The following SDCBP variants were observed in gnomAD, a reference collection of about 807,000 sequenced individuals.
SDCBP encodes syntenin-1.
In SDCBP, 22 loss-of-function variants were observed where a neutral mutation model predicts 30.5. That is an observed-to-expected ratio of 0.72 (90% CI 0.52 to 1.03). SDCBP has a LOEUF of 1.03. SDCBP is among the 50% of genes least tolerant of loss of function. The pLI is 0.00. For synonymous variants in SDCBP, 103 were observed against 118.7 expected (o/e 0.87, Z 0.86); for missense variants, 304 against 369.9 (o/e 0.82, Z 1.46).
chr8:58,576,106 A>G (rs1805301757), intron 5 of SDCBP, 45 bp downstream of exon 5: 2 of 1,301,866 alleles, frequency 1.5e-6, no homozygotes, highest in African/African-American at 1.5e-5. Context: ...AATCTCTTAC[A>G]TAATAAGTGA....
At chr8:58,556,569 A>G (rs918569698) in intron 1 of SDCBP, among the ~76,000 whole-genome samples, 2 of 152,192 alleles carry the variant, frequency 1.3e-5, no homozygotes, top group African/African-American at 4.8e-5. Flanking sequence ...GGTGAGGTTA[A>G]TAACTCAGAA....
At chr8:58,572,165 A>T in intron 3 of SDCBP, 40 bp from the exon 4 acceptor site, 1 of 1,215,008 alleles carries the variant, frequency 8.2e-7, no homozygotes, top group Non-Finnish European at 1.2e-6. Flanking sequence ...CATTTTGTGT[A>T]TTCTGTAAGT....
rs375682968 is a variant in SDCBP at position 58,566,934 on chromosome 8, C to G, written c.51+1850C>G. On this transcript the variant is annotated intron_variant, in intron 2 of 8. Coordinates refer to ENST00000260130, the MANE Select transcript of SDCBP (RefSeq NM_005625.4). ...TTTTTCTCTCCATTCCAAATCCTGA[C>G]AAGAGCCTGTGGTTTCCTCTACTTA... 2.6e-5 allele frequency among the ~76,000 whole-genome samples: 4 copies of G among 152,286 alleles called. No homozygotes were observed. In the East Asian group the frequency reaches 7.7e-4, roughly 29 times the overall value.
At position 58,581,970 on chromosome 8, in the gene SDCBP, T is replaced by C; in HGVS notation, c.*230T>C. 1 of 512,822 alleles carries C rather than the reference T, an allele frequency of 1.9e-6. No homozygotes were observed. The allele number at this position is 512,822 out of a possible 1,614,324, so 31.8% of individuals were successfully genotyped here. On this transcript the variant is annotated 3_prime_UTR_variant, in exon 9 of 9. Coordinates refer to ENST00000260130, the MANE Select transcript of SDCBP (RefSeq NM_005625.4). ...ACAGATGTGAAACTTTCAAGAGATTTACTGACTTTCCTAGAATAGTTTCTC... is the reference window on the plus strand; with the variant it reads ...ACAGATGTGAAACTTTCAAGAGATTCACTGACTTTCCTAGAATAGTTTCTC...
intron 1 of SDCBP, among the ~76,000 whole-genome samples, chr8:58,554,642 A>G (rs1397721314): frequency 6.6e-6 from 1 of 152,210 alleles, no homozygotes; most frequent in Non-Finnish European, 1.5e-5. Context: ...GAATTTGCTA[A>G]TGGTTGCCGG....
chr8:58,582,619 C>T lies in SDCBP; in HGVS notation c.*879C>T, dbSNP rs1805755182. ...CTAAACAGGATAAACTTTTGACTCC[C>T]CTTTTGTTCATTTGTGGATTAAGTG... On this transcript the variant is annotated 3_prime_UTR_variant, in exon 9 of 9. Coordinates refer to ENST00000260130, the MANE Select transcript of SDCBP (RefSeq NM_005625.4). 1 of 152,482 alleles carries T rather than the reference C, an allele frequency of 6.6e-6. No homozygotes were observed. Among genetic ancestry groups the T allele is most frequent in the African/African-American group, 2.4e-5 (1 of 41,410 alleles). 9.4% of individuals were successfully genotyped at this position (152,482 alleles called of 1,614,324 possible). A position where few individuals can be genotyped will look rare whatever the true frequency, so the allele number is the denominator to read the frequency against.
chr8:58,572,523 G>C (rs780388379), intron 4 of SDCBP, among the ~76,000 whole-genome samples: 7 of 152,070 alleles, frequency 4.6e-5, no homozygotes, highest in Non-Finnish European at 8.8e-5. Context: ...CTTAGATTCA[G>C]ATACCTTTTA....
intron 1 of SDCBP, among the ~76,000 whole-genome samples, chr8:58,557,745 G>GA (rs1456328465): frequency 6.6e-6 from 1 of 152,020 alleles, no homozygotes; most frequent in African/African-American, 2.4e-5. Context: ...TAGGCCAGTG[G>GA]AAAAAAGCTG....
intron 1 of SDCBP, chr8:58,561,017 A>G (rs1804411370): frequency 6.6e-6 from 1 of 152,242 alleles, no homozygotes; most frequent in African/African-American, 2.4e-5. Flanking sequence ...TGGTATCAAC[A>G]TAGAGATTGA....
intron 1 of SDCBP, chr8:58,561,883 T>C (rs1804459110): frequency 3.3e-6 from 2 of 600,668 alleles, no homozygotes; most frequent in Admixed American, 3.1e-5. Flanking sequence ...ATGCACAACA[T>C]AAAAGATGAA....
chr8:58,570,948 C>CT lies in SDCBP; in HGVS notation c.114dup (p.Ile39TyrfsTer25). The CT allele has an allele frequency of 7.4e-6, 12 of 1,611,592 alleles. No individual in the cohort carries two copies. The highest frequency in any genetic ancestry group is 1.0e-5 in the Non-Finnish European group (12 of 1,177,960). On this transcript the variant is annotated frameshift_variant, in exon 3 of 9. Coordinates refer to ENST00000260130, the MANE Select transcript of SDCBP (RefSeq NM_005625.4). LOFTEE classifies it high-confidence loss of function. ...GCAATTTTGTCAGAAGCTTCTGCTC[C>CT]TATCCCTCACGATGGAAGTAGGTTT...
At chr8:58,569,515 T>G (rs1460265739) in intron 2 of SDCBP, among the ~76,000 whole-genome samples, 1 of 152,246 alleles carries the variant, frequency 6.6e-6, no homozygotes, top group Non-Finnish European at 1.5e-5. Context: ...TTTTATTATC[T>G]CCACAATTTT....
intron 1 of SDCBP, chr8:58,561,821 T>A: frequency 2.9e-6 from 2 of 680,210 alleles, no homozygotes; most frequent in African/African-American, 3.6e-5. Context: ...ATTTCTGATA[T>A]ATAAGTCTAA....
intron 1 of SDCBP, among the ~76,000 whole-genome samples, chr8:58,564,263 A>G (rs971693401): frequency 6.6e-6 from 1 of 152,244 alleles, no homozygotes; most frequent in African/African-American, 2.4e-5. Flanking sequence ...CCAGTTTAGC[A>G]TATATTCTGT....
At chr8:58,556,416 G>A (rs115903274) in intron 1 of SDCBP, among the ~76,000 whole-genome samples, 2,291 of 152,264 alleles carry the variant, frequency 0.015, 65 homozygotes, top group African/African-American at 0.052. Flanking sequence ...ATGGGCCACC[G>A]ACTGGTACTG....
rs777548665 is a variant in SDCBP at position 58,578,033 on chromosome 8, G to T, written c.403G>T (p.Gly135Cys). ...CAAAAATTATTTTCTTATTATCTAG[G>T]GTATATTTGTTCAGCTAGTCCAGGC... Reference protein sequence around the residue: ...IGLRLKSIDNGIFVQLVQANS... With the variant: ...IGLRLKSIDNCIFVQLVQANS... The change falls in exon 6 of 9, where the codon GGT (glycine) becomes TGT (cysteine). Residue 135 changes from glycine to cysteine, a missense_variant and splice_region_variant. Transcript: ENST00000260130. 3 of 1,610,218 alleles carry T rather than the reference G, an allele frequency of 1.9e-6. No individual in the cohort carries two copies. Among genetic ancestry groups the T allele is most frequent in the Non-Finnish European group, 2.5e-6 (3 of 1,176,994 alleles).
intron 4 of SDCBP, among the ~76,000 whole-genome samples, chr8:58,572,827 G>T (rs1251234199): frequency 4.9e-5 from 3 of 61,672 alleles, no homozygotes; most frequent in African/African-American, 7.6e-5. Context: ...TTTTTTTTGA[G>T]GCATAGTCTC....
rs1563507122 is a variant in SDCBP, at chr8:58,565,004, T to TC, written c.-15-14dup. ...CTATGACATTAGAGTAATAAAACTTTCTTTTTTTCTTTAGAAGAATCCTGC... is the reference window on the plus strand; with the variant it reads ...CTATGACATTAGAGTAATAAAACTTTCCTTTTTTTCTTTAGAAGAATCCTGC... On this transcript the variant is annotated splice_polypyrimidine_tract_variant and intron_variant, in intron 1 of 8. Transcript: ENST00000260130. The TC allele has an allele frequency of 2.6e-6, 4 of 1,510,228 alleles. No homozygotes were observed. The highest frequency in any genetic ancestry group is 3.7e-6 in the Non-Finnish European group (4 of 1,094,734). The allele number at this position is 1,510,228 out of a possible 1,614,324, so 93.6% of individuals were successfully genotyped here.
intron 4 of SDCBP, among the ~76,000 whole-genome samples, chr8:58,572,742 C>G (rs1262967751): frequency 1.1e-4 from 16 of 149,578 alleles, no homozygotes. Flanking sequence ...TAAGCCGCTG[C>G]TAAGTTAATC....
Sources: allele counts gnomAD v4.1 joint callset (sites outside exome capture counted in the v4.1 genomes callset), GRCh38; gene constraint gnomAD v4.1.1; transcripts MANE v1.5; gene names NCBI Gene and HGNC (gene_info 2026-07-23, HGNC 2026-07-21).